The following DAB1 variants were observed in gnomAD, a reference collection of about 807,000 sequenced individuals.
DAB1 encodes the protein disabled homolog 1.
In DAB1, 15 loss-of-function variants were observed where a neutral mutation model predicts 64.6. The observed-to-expected ratio is 0.23, with a 90% CI of 0.16 to 0.36. The LOEUF (loss-of-function observed/expected upper bound fraction) is 0.36, where lower values mean the gene tolerates loss of function less well. Among genes scored for constraint, DAB1 ranks in the 10% least tolerant of loss-of-function variants. The pLI is 1.00. For missense variants in DAB1, 596 were observed against 706.7 expected, an observed-to-expected ratio of 0.84 and a Z score of 1.78; for synonymous variants, 235 against 251.9, an observed-to-expected ratio of 0.93 and a Z score of 0.64.
At chr1:58,495,987 T>G (rs1645794642) in intron 3 of DAB1, among the ~76,000 whole-genome samples, 8 of 152,188 alleles carry the variant, frequency 5.3e-5, no homozygotes. Context: ...TTTCAGGGCT[T>G]CCCATGGATG....
chr1:57,785,488 G>A (rs1303658185), intron 6 of DAB1, among the ~76,000 whole-genome samples: 1 of 152,180 alleles, frequency 6.6e-6, no homozygotes, highest in Non-Finnish European at 1.5e-5. Flanking sequence ...CTCAAGGGAG[G>A]AAGTCAAAAT....
intron 3 of DAB1, among the ~76,000 whole-genome samples, chr1:58,432,805 C>T (rs2100243852): frequency 6.6e-6 from 1 of 152,298 alleles, no homozygotes; most frequent in Admixed American, 6.5e-5. Flanking sequence ...TAAATCATCC[C>T]TCCCCACTCA....
At chr1:58,042,408 G>A (rs998386375) in intron 5 of DAB1, among the ~76,000 whole-genome samples, 1 of 152,116 alleles carries the variant, frequency 6.6e-6, no homozygotes, top group Admixed American at 6.5e-5. Flanking sequence ...TTAGACACTA[G>A]GAACATAGCA....
Position 57,015,403 on chromosome 1 carries a change from C to A in DAB1, c.924G>T (p.Pro308=). The change falls in exon 12 of 15, where the codon CCG becomes CCT. Residue 308 remains proline (P), a synonymous_variant. Coordinates refer to ENST00000371236, the MANE Select transcript of DAB1 (RefSeq NM_001365792.1). Reference sequence around the variant, plus strand: ...CGAGGGGCTGCTGACCCCAGAAGGACGGGAGGACAGCGCCCATTGCAACGT... The same window carrying A: ...CGAGGGGCTGCTGACCCCAGAAGGAAGGGAGGACAGCGCCCATTGCAACGT... ...SGYVAMGAVL[P]SFWGQQPLVQ... is the part of the protein sequence containing the mutation. 1 of 1,613,066 alleles carries A rather than the reference C, an allele frequency of 6.2e-7. No individual in the cohort carries two copies.
At position 57,015,251 on chromosome 1, in the gene DAB1, C is replaced by T. The variant is rs865961164; in HGVS notation, c.1076G>A (p.Gly359Glu). Residue 359 changes from glycine (G) to glutamate (E), a missense_variant, in exon 12 of 15, where the codon GGG becomes GAG. Gly to Glu is a moderately conservative substitution (Grantham distance 98). Coordinates refer to ENST00000371236, the MANE Select transcript of DAB1 (RefSeq NM_001365792.1). The part of the protein sequence containing the change: ...ATQQPWPTVA[G>E]QFPPAAFMPT... ...CATGAAGGCGGCTGGCGGAAACTGC[C>T]CGGCCACAGTTGGCCAGGGCTGCTG... The T allele has an allele frequency of 7.4e-6, 12 of 1,613,940 alleles. No homozygotes were observed. The highest frequency in any genetic ancestry group is 1.0e-5 in the Non-Finnish European group (12 of 1,180,002).
intron 5 of DAB1, among the ~76,000 whole-genome samples, chr1:57,957,661 CAG>C (rs1570075948): frequency 1.3e-5 from 2 of 152,144 alleles, no homozygotes; most frequent in East Asian, 3.9e-4. Flanking sequence ...CACCGCAGTT[CAG>C]AGTTTGGAAA....
At chr1:57,480,535 A>G (rs1169039078) in intron 7 of DAB1, among the ~76,000 whole-genome samples, 1 of 151,148 alleles carries the variant, frequency 6.6e-6, no homozygotes, top group African/African-American at 2.4e-5. Context: ...CCCAGGCTGG[A>G]GTGCAGTAGC....
At position 58,485,893 on chromosome 1, in the gene DAB1, A is replaced by C. The variant is rs545202806; in HGVS notation, n.257+20167T>G. 3.3e-5 allele frequency among the ~76,000 whole-genome samples: 5 copies of C among 152,332 alleles called. No individual in the cohort carries two copies. In the South Asian group the frequency reaches 1.0e-3, roughly 32 times the overall value. ...AATCATTATGATAAATGTCATAGAG[A>C]AAATACTCTTAGGAGTTTATGGTTT... On this transcript the variant is annotated intron_variant and non_coding_transcript_variant, in intron 3 of 20. Transcript: ENST00000485760.
Position 57,285,612 on chromosome 1 carries a change from C to G in DAB1, c.67+5352G>C, listed in dbSNP as rs570907808. Among the ~76,000 whole-genome samples the G allele has an allele frequency of 3.3e-5, 5 of 152,130 alleles. No individual in the cohort carries two copies. In the East Asian group the frequency reaches 9.6e-4, roughly 29 times the overall value. ...TGACAAGTGGAAATATTCACACACA[C>G]ATAAAAATACACAAACCCCTCCCTT... On this transcript the variant is annotated intron_variant, in intron 2 of 14. Coordinates refer to ENST00000371236, the MANE Select transcript of DAB1 (RefSeq NM_001365792.1).
chr1:57,606,618 AATATATGAAATATATT>A lies in DAB1; in HGVS notation n.625+42958_625+42973del, dbSNP rs1306304161. ...TATATATTATATATATGAAATATAT[AATATATGAAATATATT>A]ATATATGAAATATATATTATGTATG... On this transcript the variant is annotated intron_variant and non_coding_transcript_variant, in intron 7 of 20. Coordinates refer to the DAB1 transcript ENST00000485760. 6.7e-5 allele frequency among the ~76,000 whole-genome samples: 8 copies of A among 119,008 alleles called. No individual in the cohort carries two copies. In the South Asian group the frequency reaches 6.8e-4, roughly 10 times the overall value. 78.1% of individuals were successfully genotyped at this position (119,008 alleles called of 152,430 possible). A position where few individuals can be genotyped will look rare whatever the true frequency, so the allele number is the denominator to read the frequency against.
At chr1:57,194,897 G>A (rs570988) in intron 2 of DAB1, among the ~76,000 whole-genome samples, 34,508 of 152,116 alleles carry the variant, frequency 0.23, 4,923 homozygotes, top group Non-Finnish European at 0.32. Flanking sequence ...GCATCCTGAG[G>A]CTTTGTTTAT....
chr1:58,044,642 G>A (rs1055086214), intron 5 of DAB1, among the ~76,000 whole-genome samples: 1 of 152,094 alleles, frequency 6.6e-6, no homozygotes, highest in Non-Finnish European at 1.5e-5. Flanking sequence ...TAGCATAGTG[G>A]TTAAGGTTAC....
In DAB1 at chr1:58,243,905, A is replaced by G. The variant is rs139191499; in HGVS notation, n.310-93317T>C. Among the ~76,000 whole-genome samples the G allele has an allele frequency of 1.6e-4, 25 of 152,312 alleles. No individual in the cohort carries two copies. The East Asian group carries it at 4.6e-3, about 28-fold the overall frequency. On this transcript the variant is annotated intron_variant and non_coding_transcript_variant, in intron 4 of 20. Transcript: ENST00000485760. ...ATGCAAATACTATGTCTTTTTAGACAATTATCCTTCTGTGCATAGGGTTGA... is the reference window on the plus strand; with the variant it reads ...ATGCAAATACTATGTCTTTTTAGACGATTATCCTTCTGTGCATAGGGTTGA...
In DAB1 at chr1:58,217,828, A is replaced by C. The variant is rs190556178; in HGVS notation, n.310-67240T>G. Among the ~76,000 whole-genome samples, 337 of 152,258 alleles carry C rather than the reference A, an allele frequency of 2.2e-3. 2 individuals carry two copies. The highest frequency in any genetic ancestry group is 7.0e-3 in the African/African-American group (289 of 41,544). ...GCACATTCCCCATAGTACCTAACAC[A>C]GAGCCCGGCACTTGGTATATGCTTC... On this transcript the variant is annotated intron_variant and non_coding_transcript_variant, in intron 4 of 20. Transcript: ENST00000485760.
At chr1:58,075,458 G>A (rs938586913) in intron 5 of DAB1, among the ~76,000 whole-genome samples, 1 of 152,192 alleles carries the variant, frequency 6.6e-6, no homozygotes, top group African/African-American at 2.4e-5. Flanking sequence ...TAAAGTTACT[G>A]TGGAGGCCTG....
rs72907229 is a variant in DAB1, at chr1:57,361,196, A to G, written c.-137+62734T>C. On this transcript the variant is annotated intron_variant, in intron 1 of 14. Coordinates refer to ENST00000371236, the MANE Select transcript of DAB1 (RefSeq NM_001365792.1). ...AAGAAACTGCAATTACAGATGTAAT[A>G]TCAAATACTGAGTCACAAATACATG... Among the ~76,000 whole-genome samples the G allele has an allele frequency of 2.4e-3, 362 of 152,322 alleles. 1 individual carries two copies. The highest frequency in any genetic ancestry group is 8.2e-3 in the African/African-American group (341 of 41,578).
intron 3 of DAB1, among the ~76,000 whole-genome samples, chr1:58,433,590 AGAGAGAGT>A (rs1278925355): frequency 9.2e-5 from 10 of 108,494 alleles, no homozygotes; most frequent in African/African-American, 1.8e-4. Flanking sequence ...AGAGAGAGAG[AGAGAGAGT>A]GTGTGTGTGT....
At chr1:57,077,143 T>G (rs1652065532) in intron 4 of DAB1, among the ~76,000 whole-genome samples, 1 of 152,158 alleles carries the variant, frequency 6.6e-6, no homozygotes, top group Non-Finnish European at 1.5e-5. Context: ...GCTCCAAGGA[T>G]AGATGGGAAG....
At chr1:58,467,745 T>C (rs1645310444) in intron 3 of DAB1, among the ~76,000 whole-genome samples, 1 of 152,208 alleles carries the variant, frequency 6.6e-6, no homozygotes, top group Non-Finnish European at 1.5e-5. Flanking sequence ...TTTAATATGT[T>C]TTAATTTTTT....
Sources: allele counts gnomAD v4.1 joint callset (sites outside exome capture counted in the v4.1 genomes callset), GRCh38; gene constraint gnomAD v4.1.1; transcripts MANE v1.5; gene names NCBI Gene and HGNC (gene_info 2026-07-23, HGNC 2026-07-21).